The following HPSE2 variants were observed in gnomAD, a reference collection of about 807,000 sequenced individuals.
The protein encoded by HPSE2 is heparanase 2 (inactive).
HPSE2 carries 38 observed loss-of-function variants against 60.5 expected under a neutral mutation model. The observed-to-expected ratio is 0.63, with a 90% confidence interval of 0.48 to 0.82. The LOEUF is 0.82. HPSE2 is among the 40% of genes least tolerant of loss of function. HPSE2 has a pLI of 0.00. For synonymous variants in HPSE2, 295 were observed against 293.2 expected, an observed-to-expected ratio of 1.01 and a Z score of -0.06; for missense variants, 713 against 740.4, an observed-to-expected ratio of 0.96 and a Z score of 0.43.
intron 3 of HPSE2, among the ~76,000 whole-genome samples, chr10:98,990,946 C>T (rs1176172488): frequency 6.6e-6 from 1 of 152,168 alleles, no homozygotes; most frequent in Admixed American, 6.5e-5. Flanking sequence ...TTTATCCATC[C>T]ATTTCCCAAA....
At chr10:99,045,102 C>A (rs1309505733) in intron 3 of HPSE2, among the ~76,000 whole-genome samples, 1 of 152,214 alleles carries the variant, frequency 6.6e-6, no homozygotes, top group African/African-American at 2.4e-5. Flanking sequence ...TAAGATGAAC[C>A]ACATGCACAG....
intron 6 of HPSE2, among the ~76,000 whole-genome samples, chr10:98,683,101 G>A (rs1338367661): frequency 6.6e-6 from 1 of 151,872 alleles, no homozygotes; most frequent in East Asian, 1.9e-4. Context: ...CAAGAGAAAA[G>A]ATGAACAGAT....
intron 9 of HPSE2, among the ~76,000 whole-genome samples, chr10:98,521,081 C>A (rs1942776334): frequency 6.6e-6 from 1 of 152,188 alleles, no homozygotes; most frequent in Admixed American, 6.5e-5. Flanking sequence ...TTGGCATGGG[C>A]AAGGACTTCA....
At chr10:98,896,978 C>A (rs1448831494) in intron 3 of HPSE2, among the ~76,000 whole-genome samples, 1 of 152,054 alleles carries the variant, frequency 6.6e-6, no homozygotes, top group Non-Finnish European at 1.5e-5. Flanking sequence ...AAGAAAGCAC[C>A]AGATTCACAT....
At chr10:98,696,819 A>T (rs1431270714) in intron 5 of HPSE2, among the ~76,000 whole-genome samples, 1 of 152,164 alleles carries the variant, frequency 6.6e-6, no homozygotes, top group Non-Finnish European at 1.5e-5. Flanking sequence ...CCATCTCTAC[A>T]ACTCCAGGCT....
rs549303771 is a variant in HPSE2 at position 98,472,061 on chromosome 10, C to A, written c.1613+10575G>T. Among the ~76,000 whole-genome samples the A allele has an allele frequency of 2.8e-4, 43 of 152,196 alleles. 1 individual carries two copies. Among genetic ancestry groups the A allele is most frequent in the Admixed American group, 2.4e-3 (36 of 15,288 alleles). Reference sequence around the variant, plus strand: ...AATTAGCAGAAGGGCTAAAAGAATCCAAACTCCTCTGGGTTTCAATGAGTA... The same window carrying A: ...AATTAGCAGAAGGGCTAAAAGAATCAAAACTCCTCTGGGTTTCAATGAGTA... On this transcript the variant is annotated intron_variant, in intron 11 of 11. Coordinates refer to ENST00000370552, the MANE Select transcript of HPSE2 (RefSeq NM_021828.5).
intron 7 of HPSE2, 142 bp from the exon 8 acceptor site, chr10:98,620,850 C>T: frequency 1.4e-6 from 1 of 707,808 alleles, no homozygotes; most frequent in Non-Finnish European, 2.5e-6. Flanking sequence ...TATGATGATG[C>T]ACCCAGTTCA....
At chr10:98,524,377 T>A (rs948171138) in intron 9 of HPSE2, among the ~76,000 whole-genome samples, 3 of 152,150 alleles carry the variant, frequency 2.0e-5, no homozygotes, top group Non-Finnish European at 4.4e-5. Context: ...GCGTGCAAGA[T>A]AAGTATGTGT....
chr10:98,571,994 A>T (rs1183274056), intron 9 of HPSE2, among the ~76,000 whole-genome samples: 1 of 139,632 alleles, frequency 7.2e-6, no homozygotes, highest in Non-Finnish European at 1.5e-5. Context: ...GCGGGAGTGC[A>T]GTGGCGTGAT....
the HPSE2 span, among the ~76,000 whole-genome samples, chr10:99,276,031 G>C: frequency 6.6e-6 from 1 of 152,180 alleles, no homozygotes; most frequent in Non-Finnish European, 1.5e-5. Context: ...GGTTTTATTA[G>C]TAATATTTAA....
chr10:98,693,943 T>A lies in HPSE2; in HGVS notation c.961A>T (p.Met321Leu). The A allele has an allele frequency of 6.2e-7, 1 of 1,611,970 alleles. No homozygotes were observed. Among genetic ancestry groups the A allele is most frequent in the Non-Finnish European group, 8.5e-7 (1 of 1,178,100 alleles). Residue 321 changes from methionine (M) to leucine (L), a missense_variant, in exon 6 of 12, where the codon ATG becomes TTG. Transcript: ENST00000370552. ...TCTACTGTACTTCCTGCCACCTTCA[T>A]GAATCTGTAAGGAATAGAAAGAAAA... ...KNVIALLDGF[M>L]KVAGSTVDAV...
intron 7 of HPSE2, among the ~76,000 whole-genome samples, chr10:98,630,291 A>G (rs958970599): frequency 7.6e-5 from 11 of 145,280 alleles, no homozygotes; most frequent in South Asian, 4.4e-4. Flanking sequence ...TCCGCCTCCC[A>G]GGTTCACGCC....
At chr10:98,618,929 C>T (rs1023558860) in intron 8 of HPSE2, among the ~76,000 whole-genome samples, 6 of 152,184 alleles carry the variant, frequency 3.9e-5, no homozygotes, top group Non-Finnish European at 8.8e-5. Flanking sequence ...AAAGGTGACT[C>T]ACTCCACTTC....
At chr10:99,253,616 G>A in the HPSE2 span, among the ~76,000 whole-genome samples, 34 of 152,186 alleles carry the variant, frequency 2.2e-4, no homozygotes, top group African/African-American at 6.7e-4. Flanking sequence ...TGGGATCTAA[G>A]TAAATTAAAT....
At chr10:99,019,355 C>T (rs1428478027) in intron 3 of HPSE2, among the ~76,000 whole-genome samples, 2 of 152,208 alleles carry the variant, frequency 1.3e-5, no homozygotes, top group African/African-American at 4.8e-5. Context: ...GCATCAGAGG[C>T]ATCTCACTAT....
At chr10:98,538,334 C>T (rs987632049) in intron 9 of HPSE2, among the ~76,000 whole-genome samples, 7 of 152,182 alleles carry the variant, frequency 4.6e-5, no homozygotes, top group African/African-American at 1.7e-4. Context: ...TAATAGTCTC[C>T]TTTTCTGTTG....
At chr10:99,018,831 C>T (rs927139567) in intron 3 of HPSE2, among the ~76,000 whole-genome samples, 2 of 152,200 alleles carry the variant, frequency 1.3e-5, no homozygotes, top group African/African-American at 4.8e-5. Flanking sequence ...GACTCGAAGA[C>T]ACAGCTAATG....
chr10:98,483,318 T>C (rs74371593), intron 10 of HPSE2, among the ~76,000 whole-genome samples: 5,310 of 152,258 alleles, frequency 0.035, 291 homozygotes, highest in African/African-American at 0.12. Context: ...CATATTCCCA[T>C]GTGATTCTTT....
At chr10:99,033,457 C>T (rs967899201) in intron 3 of HPSE2, among the ~76,000 whole-genome samples, 1 of 151,974 alleles carries the variant, frequency 6.6e-6, no homozygotes, top group East Asian at 1.9e-4. Context: ...AACAATGATA[C>T]AGTACTATAT....
Sources: gnomAD v4.1 joint callset for allele counts (sites outside exome capture counted in the v4.1 genomes callset) on GRCh38, gnomAD v4.1.1 for gene constraint, MANE v1.5 for transcripts, NCBI Gene and HGNC (gene_info 2026-07-23, HGNC 2026-07-21) for gene names.